Variants in SEC11A observed in about 807,000 individuals in gnomAD.
SEC11A encodes signal peptidase complex catalytic subunit SEC11A.
A neutral mutation model predicts 25.6 loss-of-function variants in SEC11A; 14 were observed. The observed-to-expected ratio is 0.55, with a 90% confidence interval of 0.36 to 0.85. The LOEUF is 0.85. Ranked by LOEUF, SEC11A falls within the 40% of genes least tolerant of loss-of-function variation. SEC11A has a pLI of 0.01. For synonymous variants in SEC11A, 83 were observed against 76.4 expected, an observed-to-expected ratio of 1.09 and a Z score of -0.45; for missense variants, 153 against 222.9, an observed-to-expected ratio of 0.69 and a Z score of 2.00.
In SEC11A at chr15:84,691,936, C is replaced by G. The variant is rs75211297; in HGVS notation, c.52-292G>C. ...AGTTATTTCATTTGGGCTCCATAATCATTCAGCTTAAATTTATCACTCATG... is the reference window on the plus strand; with the variant it reads ...AGTTATTTCATTTGGGCTCCATAATGATTCAGCTTAAATTTATCACTCATG... On this transcript the variant is annotated intron_variant, in intron 1 of 5. Transcript: ENST00000268220. 1.6e-3 allele frequency: 318 copies of G among 204,394 alleles called. 4 individuals are homozygous for G. The highest frequency in any genetic ancestry group is 7.1e-3 in the African/African-American group (305 of 43,162). The allele number at this position is 204,394 out of a possible 1,614,324, so 12.7% of individuals were successfully genotyped here. A position where few individuals can be genotyped will look rare whatever the true frequency, so the allele number is the denominator to read the frequency against.
chr15:84,695,928 A>G (rs1475732191), intron 1 of SEC11A, among the ~76,000 whole-genome samples: 1 of 152,232 alleles, frequency 6.6e-6, no homozygotes, highest in Non-Finnish European at 1.5e-5. Flanking sequence ...ACTATATGCA[A>G]GTATCACCTG....
chr15:84,680,043 G>T, intron 4 of SEC11A: 1 of 973,552 alleles, frequency 1.0e-6, no homozygotes, highest in South Asian at 1.5e-5. Context: ...AAATATTATG[G>T]ATTAAATTAA....
intron 1 of SEC11A, among the ~76,000 whole-genome samples, chr15:84,699,703 T>C (rs891357327): frequency 4.0e-5 from 6 of 151,868 alleles, no homozygotes; most frequent in Non-Finnish European, 8.8e-5. Flanking sequence ...GGCAGGAGGA[T>C]AGCTTGAGCC....
At chr15:84,684,024 C>T (rs1042126602) in intron 3 of SEC11A, among the ~76,000 whole-genome samples, 1 of 152,116 alleles carries the variant, frequency 6.6e-6, no homozygotes, top group African/African-American at 2.4e-5. Flanking sequence ...AAGGAAATAA[C>T]CACTTTACAG....
chr15:84,678,886 C>T (rs1332462934), intron 4 of SEC11A, among the ~76,000 whole-genome samples: 5 of 151,550 alleles, frequency 3.3e-5, no homozygotes, highest in East Asian at 1.9e-4. Flanking sequence ...CCCAGCTACT[C>T]GGGAGGCTGA....
intron 1 of SEC11A, among the ~76,000 whole-genome samples, chr15:84,697,239 G>T (rs1409710559): frequency 6.6e-6 from 1 of 152,096 alleles, no homozygotes; most frequent in East Asian, 1.9e-4. Context: ...TCTAGCATGG[G>T]TAACAGTGTG....
chr15:84,712,797 T>G (rs1269984325), intron 1 of SEC11A, among the ~76,000 whole-genome samples: 1 of 152,180 alleles, frequency 6.6e-6, no homozygotes, highest in Non-Finnish European at 1.5e-5. Flanking sequence ...TCCATTTATA[T>G]AAAATGCATA....
intron 5 of SEC11A, 118 bp from the exon 6 acceptor site, chr15:84,670,187 C>T: frequency 1.2e-6 from 1 of 827,468 alleles, no homozygotes; most frequent in East Asian, 2.9e-5. Flanking sequence ...ATTATTCTTT[C>T]ATCTTTTAAC....
intron 4 of SEC11A, among the ~76,000 whole-genome samples, chr15:84,674,821 A>G (rs1029062769): frequency 3.9e-5 from 6 of 152,126 alleles, no homozygotes; most frequent in South Asian, 2.1e-4. Flanking sequence ...TGGCCTCTTA[A>G]AGTGCTGAGA....
At chr15:84,707,276 C>T (rs1171332562) in intron 1 of SEC11A, among the ~76,000 whole-genome samples, 2 of 150,166 alleles carry the variant, frequency 1.3e-5, no homozygotes, top group Non-Finnish European at 2.9e-5. Flanking sequence ...ACCTCTGCCT[C>T]CCAGGTTCAA....
intron 1 of SEC11A, among the ~76,000 whole-genome samples, chr15:84,696,753 AAAAAC>A (rs1335965504): frequency 1.3e-5 from 2 of 152,222 alleles, no homozygotes; most frequent in African/African-American, 4.8e-5. Flanking sequence ...AATAAAAACT[AAAAAC>A]AAAACAAAAC....
intron 4 of SEC11A, 118 bp from the exon 5 acceptor site, chr15:84,670,900 T>C: frequency 2.0e-6 from 1 of 511,238 alleles, no homozygotes; most frequent in Non-Finnish European, 3.5e-6. Flanking sequence ...CAAAGTCCAT[T>C]TCTATATACT....
chr15:84,671,031 C>T (rs1187803058), intron 4 of SEC11A: 7 of 308,214 alleles, frequency 2.3e-5, no homozygotes, highest in Admixed American at 1.0e-4. Context: ...AGAACCAGCA[C>T]CAGATAGAGC....
intron 1 of SEC11A, among the ~76,000 whole-genome samples, chr15:84,701,177 A>C (rs1316583353): frequency 1.3e-5 from 2 of 151,502 alleles, no homozygotes; most frequent in Non-Finnish European, 2.9e-5. Context: ...AAAAAAAAAA[A>C]AAAAAGACTG....
chr15:84,683,384 AAAACAAACAAACAAACAAACAAAC>A (rs57035460), intron 3 of SEC11A, among the ~76,000 whole-genome samples: 2 of 150,660 alleles, frequency 1.3e-5, no homozygotes, highest in African/African-American at 2.5e-5. Flanking sequence ...ATTTGCTGGC[AAAACAAACAAACAAACAAACAAAC>A]AAACAAACAA....
At chr15:84,683,591 T>C (rs1045313930) in intron 3 of SEC11A, among the ~76,000 whole-genome samples, 5 of 151,946 alleles carry the variant, frequency 3.3e-5, no homozygotes, top group African/African-American at 7.3e-5. Flanking sequence ...AGTTTCGCAC[T>C]TGTCACCCAG....
At position 84,698,731 on chromosome 15, in the gene SEC11A, T is replaced by G. The variant is rs571651792; in HGVS notation, c.52-7087A>C. Among the ~76,000 whole-genome samples, 105 of 152,312 alleles carry G rather than the reference T, an allele frequency of 6.9e-4. 2 individuals carry two copies. The South Asian group carries it at 0.021, about 30-fold the overall frequency. ...ACAAACACATGTACAGCAGCTTCCCTCATAATAGCCTCAAACCGGAAATAA... is the reference window on the plus strand; with the variant it reads ...ACAAACACATGTACAGCAGCTTCCCGCATAATAGCCTCAAACCGGAAATAA... On this transcript the variant is annotated intron_variant, in intron 1 of 5. Transcript: ENST00000268220.
intron 4 of SEC11A, among the ~76,000 whole-genome samples, chr15:84,678,985 A>T (rs936056008): frequency 6.6e-6 from 1 of 150,608 alleles, no homozygotes; most frequent in Non-Finnish European, 1.5e-5. Context: ...ACAGAGCAAG[A>T]CTGTCTCCAA....
At chr15:84,689,156 A>T (rs182585975) in intron 2 of SEC11A, among the ~76,000 whole-genome samples, 1 of 152,086 alleles carries the variant, frequency 6.6e-6, no homozygotes, top group Admixed American at 6.6e-5. Flanking sequence ...ATCACTTGAG[A>T]TCAGGAGTTC....
Sources: allele counts gnomAD v4.1 joint callset (sites outside exome capture counted in the v4.1 genomes callset), GRCh38; gene constraint gnomAD v4.1.1; transcripts MANE v1.5; gene names NCBI Gene and HGNC (gene_info 2026-07-23, HGNC 2026-07-21).